The following KAT2A variants were observed in gnomAD, a reference collection of about 807,000 sequenced individuals.
KAT2A encodes the protein lysine acetyltransferase 2A, also known as histone acetyltransferase KAT2A.
A neutral mutation model predicts 95.2 loss-of-function variants in KAT2A; 42 were observed. The ratio of observed to expected loss-of-function variants is 0.44; its 90% CI spans 0.34 to 0.57. The LOEUF is 0.57. Ranked by LOEUF, KAT2A falls within the 20% of genes least tolerant of loss-of-function variation. KAT2A has a pLI of 0.01. For missense variants in KAT2A, 784 were observed against 1,126.3 expected, an observed-to-expected ratio of 0.70 and a Z score of 4.35; for synonymous variants, 449 against 448.2, an observed-to-expected ratio of 1.00 and a Z score of -0.02.
chr17:42,115,764 T>C lies in KAT2A; in HGVS notation c.1834A>G (p.Thr612Ala), dbSNP rs77978263. 6.2e-7 allele frequency: 1 copy of C among 1,613,576 alleles called. No individual in the cohort carries two copies. Among genetic ancestry groups the C allele is most frequent in the East Asian group, 2.2e-5 (1 of 44,856 alleles). Residue 612 changes from threonine (T) to alanine (A), a missense_variant, in exon 12 of 18, where the codon ACC (threonine) becomes GCC (alanine). Thr to Ala is a moderately conservative substitution (Grantham distance 58). This residue lies in a region of KAT2A where 174 missense variants were observed against 324.9 expected (regional missense o/e 0.54). Coordinates refer to ENST00000225916, the MANE Select transcript of KAT2A (RefSeq NM_021078.3). ...CCGATGGCGTACTCGTCGGCGTAGGTGAGGAAGTAGAGAATGTTGTGCTTG... is the reference window on the plus strand; with the variant it reads ...CCGATGGCGTACTCGTCGGCGTAGGCGAGGAAGTAGAGAATGTTGTGCTTG... Reference protein sequence around the residue: ...HIKHNILYFLTYADEYAIGYF... With the variant: ...HIKHNILYFLAYADEYAIGYF...
chr17:42,119,811 G>A lies in KAT2A; in HGVS notation c.700-93C>T, dbSNP rs937649887. The A allele has an allele frequency of 4.2e-6, 5 of 1,177,744 alleles. No individual in the cohort carries two copies. The highest frequency in any genetic ancestry group is 2.5e-5 in the East Asian group (1 of 40,252). 73.0% of individuals were successfully genotyped at this position (1,177,744 alleles called of 1,614,324 possible). On this transcript the variant is annotated intron_variant, in intron 4 of 17. Transcript: ENST00000225916. The surrounding 1 kb of genome is among the most constrained non-coding windows in gnomAD (Gnocchi z 5.3). ...CAAAGGAAGATGCTCCCTGGCCAGG[G>A]ACAAGGTTCTCCTTCTCCTCTCTCT...
At chr17:42,115,507 C>A (rs1427331069) in intron 12 of KAT2A, among the ~76,000 whole-genome samples, 4 of 151,300 alleles carry the variant, frequency 2.6e-5, no homozygotes, top group Non-Finnish European at 5.9e-5. Context: ...TCTACTGACC[C>A]CCAGTTCCTC....
intron 12 of KAT2A, among the ~76,000 whole-genome samples, chr17:42,115,492 G>A (rs1555665791): frequency 2.8e-5 from 3 of 107,144 alleles, no homozygotes; most frequent in Non-Finnish European, 5.4e-5. Context: ...GTTCCTCCAG[G>A]ATGCTCTACT....
At position 42,120,246 on chromosome 17, in the gene KAT2A, C is replaced by T. The variant is rs143037960; in HGVS notation, c.588G>A (p.Gln196=). The T allele has an allele frequency of 1.0e-3, 1,666 of 1,614,228 alleles. No individual in the cohort carries two copies. The highest frequency in any genetic ancestry group is 1.3e-3 in the Non-Finnish European group (1,557 of 1,180,036). The change falls in exon 3 of 18, where the codon CAG becomes CAA. Residue 196 remains glutamine, a synonymous_variant. Transcript: ENST00000225916. Reference sequence around the variant, plus strand: ...TCACCTTGAAGAGGTAGAAATAGACCTGCTTGGTGTCTGTGTCCTCTTCCT... The same window carrying T: ...TCACCTTGAAGAGGTAGAAATAGACTTGCTTGGTGTCTGTGTCCTCTTCCT... ...VHKEEDTDTK[Q]VYFYLFKLLR...
At position 42,121,333 on chromosome 17, in the gene KAT2A, G is replaced by C. The variant is rs1181212372; in HGVS notation, c.-29C>G. The C allele has an allele frequency of 2.9e-6, 4 of 1,364,984 alleles. No homozygotes were observed. In the African/African-American group the frequency reaches 4.6e-5, roughly 16 times the overall value. The allele number at this position is 1,364,984 out of a possible 1,614,324, so 84.6% of individuals were successfully genotyped here. The stretch of plus-strand genomic sequence containing the variant: ...CTCCCCCGCAGCGGAGAGCGGCGCC[G>C]CGCTCCCAGCCCTAGGGCCGCATGG... On this transcript the variant is annotated 5_prime_UTR_variant, in exon 1 of 18. Coordinates refer to ENST00000225916, the MANE Select transcript of KAT2A (RefSeq NM_021078.3).
In KAT2A at chr17:42,117,838, G is replaced by A. The variant is rs782617651; in HGVS notation, c.1292-24C>T. ...GCCTATTGGGGAGGCAGGCAAGGTT[G>A]CTCAGGATCAGTAAAAAAGGTTTGG... is the stretch of plus-strand genomic sequence containing the variant. On this transcript the variant is annotated intron_variant, in intron 8 of 17. Coordinates refer to ENST00000225916, the MANE Select transcript of KAT2A (RefSeq NM_021078.3). The surrounding 1 kb of genome is among the most constrained non-coding windows in gnomAD (Gnocchi z 8.9). The A allele has an allele frequency of 6.2e-7, 1 of 1,611,916 alleles. No homozygotes were observed. The highest frequency in any genetic ancestry group is 1.7e-5 in the Admixed American group (1 of 59,886).
chr17:42,115,073 G>GT, intron 12 of KAT2A, 38 bp from the exon 13 acceptor site: 1 of 1,604,996 alleles, frequency 6.2e-7, no homozygotes, highest in East Asian at 2.2e-5. Flanking sequence ...CCATCCATAA[G>GT]TATTTCCCAA....
intron 11 of KAT2A, among the ~76,000 whole-genome samples, chr17:42,116,714 C>A (rs1294157901): frequency 1.3e-5 from 2 of 151,972 alleles, no homozygotes; most frequent in South Asian, 2.1e-4. Flanking sequence ...GTGAGAGAGA[C>A]CCTCTTTCAA....
At chr17:42,120,458 ACTCTGTTC>A in intron 2 of KAT2A, 88 bp from the exon 3 acceptor site, 1 of 1,420,556 alleles carries the variant, frequency 7.0e-7, no homozygotes, top group African/African-American at 1.4e-5. Flanking sequence ...CAAGATACAC[ACTCTGTTC>A]CTCCAACCAG....
Position 42,113,577 on chromosome 17 carries a change from G to A in KAT2A, c.*72C>T. ...GCTGAGTCGGGTCCGTGGGGCCAGG[G>A]CACCCCCTAAGGATCAGATCAGAAT... On this transcript the variant is annotated 3_prime_UTR_variant, in exon 18 of 18. Coordinates refer to ENST00000225916, the MANE Select transcript of KAT2A (RefSeq NM_021078.3). 2 of 1,455,478 alleles carry A rather than the reference G, an allele frequency of 1.4e-6. No homozygotes were observed. Among genetic ancestry groups the A allele is most frequent in the East Asian group, 2.4e-5 (1 of 42,172 alleles). 90.2% of individuals were successfully genotyped at this position (1,455,478 alleles called of 1,614,324 possible). A position where few individuals can be genotyped will look rare whatever the true frequency, so the allele number is the denominator to read the frequency against.
In KAT2A at chr17:42,113,774, G is replaced by T; in HGVS notation, c.2389C>A (p.Leu797Met). ...YVTRKLFVAD[L>M]QRVIANCREY... ...CGACAGTTGGCGATGACCCGCTGCAGGTCGGCCACAAAGAGCTTCCGGGTC... is the reference window on the plus strand; with the variant it reads ...CGACAGTTGGCGATGACCCGCTGCATGTCGGCCACAAAGAGCTTCCGGGTC... Residue 797 changes from leucine to methionine, a missense_variant, in exon 18 of 18, where the codon CTG (leucine) becomes ATG (methionine). By Grantham distance (15) the Leu-to-Met change is conservative (BLOSUM62 2). This residue lies in a region of KAT2A where 195 missense variants were observed against 247.1 expected (regional missense o/e 0.79). Transcript: ENST00000225916. 6.2e-7 allele frequency: 1 copy of T among 1,610,414 alleles called. No individual in the cohort carries two copies.
Position 42,114,526 on chromosome 17 carries a change from C to T in KAT2A, c.2098G>A (p.Val700Met), listed in dbSNP as rs371503307. ...ACGCTCTCCACAGGGATCTGCCTCA[C>T]GCCCTCCTTGAAGCAGCTGAGCCCC... ...YPGLSCFKEG[V>M]RQIPVESVPG... Residue 700 changes from valine (V) to methionine (M), a missense_variant, in exon 14 of 18, where the codon GTG becomes ATG. Around this residue, in one of 6 missense-constraint regions of KAT2A, gnomAD observed 195 missense variants for 247.1 expected, o/e 0.79. Coordinates refer to ENST00000225916, the MANE Select transcript of KAT2A (RefSeq NM_021078.3). This position sits in a 1 kb window ranked among gnomAD's most constrained non-coding sequence, Gnocchi z 6.0. 8.1e-6 allele frequency: 13 copies of T among 1,614,022 alleles called. No individual in the cohort carries two copies. Among genetic ancestry groups the T allele is most frequent in the Admixed American group, 3.3e-5 (2 of 60,006 alleles).
Position 42,114,784 on chromosome 17 carries a change from C to T in KAT2A, c.2019+108G>A. ...CAAGATCCTGGCCTGCCCCTCCTCA[C>T]TCACACACATATATGCATGTAGACG... On this transcript the variant is annotated intron_variant, in intron 13 of 17. Transcript: ENST00000225916. This position sits in a 1 kb window ranked among gnomAD's most constrained non-coding sequence, Gnocchi z 6.0. 1.5e-6 allele frequency: 2 copies of T among 1,309,536 alleles called. No individual in the cohort carries two copies. The highest frequency in any genetic ancestry group is 2.3e-5 in the East Asian group (1 of 43,372). The allele number at this position is 1,309,536 out of a possible 1,614,324, so 81.1% of individuals were successfully genotyped here. A position where few individuals can be genotyped will look rare whatever the true frequency, so the allele number is the denominator to read the frequency against.
Position 42,113,656 on chromosome 17 carries a change from T to G in KAT2A, c.2507A>C (p.Asp836Ala), listed in dbSNP as rs2144024934. ...YFKLKEGGLIDK is the reference protein window; with the variant it reads ...YFKLKEGGLIAK ...TGCGGCCCAAAGATGGGCCTACTTG[T>G]CAATGAGGCCTCCCTCCTTGAGCTT... Residue 836 changes from aspartate (D) to alanine (A), a missense_variant, in exon 18 of 18, where the codon GAC becomes GCC. By Grantham distance (126) the Asp-to-Ala change is moderately radical (BLOSUM62 -2). Transcript: ENST00000225916. 4 of 1,607,930 alleles carry G rather than the reference T, an allele frequency of 2.5e-6. No homozygotes were observed. In the South Asian group the frequency reaches 3.3e-5, roughly 13 times the overall value.
Position 42,113,358 on chromosome 17 carries a change from C to G in KAT2A, c.*291G>C, listed in dbSNP as rs1555664994. ...TCCAAGCCTCCAAAGCTCTTGGGGA[C>G]CAGGCCTGGGGGCCACCACGGCTGG... On this transcript the variant is annotated 3_prime_UTR_variant, in exon 18 of 18. Transcript: ENST00000225916. 2 of 293,740 alleles carry G rather than the reference C, an allele frequency of 6.8e-6. No homozygotes were observed. Among genetic ancestry groups the G allele is most frequent in the Non-Finnish European group, 1.3e-5 (2 of 157,870 alleles). The allele number at this position is 293,740 out of a possible 1,614,324, so 18.2% of individuals were successfully genotyped here.
In KAT2A at chr17:42,120,847, A is replaced by T. The variant is rs2054326130; in HGVS notation, c.340-18T>A. On this transcript the variant is annotated intron_variant, in intron 1 of 17. Transcript: ENST00000225916. ...TCATTGGCCTGGAGGTGGAAGGATCAGTCAATGACCTATACCTCTGGGGCA... is the reference window on the plus strand; with the variant it reads ...TCATTGGCCTGGAGGTGGAAGGATCTGTCAATGACCTATACCTCTGGGGCA... The T allele has an allele frequency of 1.2e-6, 2 of 1,603,484 alleles. No individual in the cohort carries two copies. The highest frequency in any genetic ancestry group is 1.7e-6 in the Non-Finnish European group (2 of 1,174,716).
chr17:42,117,955 T>C lies in KAT2A; in HGVS notation c.1243A>G (p.Ser415Gly). Reference protein sequence around the residue: ...PIFSPSMGGGSNSSLSLDSAG... With the variant: ...PIFSPSMGGGGNSSLSLDSAG... Reference sequence around the variant, plus strand: ...GAATCCAGACTCAGGGAGCTGTTGCTGCCCCCACCCATGCTGGGGCTGAAG... The same window carrying C: ...GAATCCAGACTCAGGGAGCTGTTGCCGCCCCCACCCATGCTGGGGCTGAAG... The change falls in exon 8 of 18, where the codon AGC becomes GGC. Residue 415 changes from serine to glycine, a missense_variant. Transcript: ENST00000225916. The surrounding 1 kb of genome is among the most constrained non-coding windows in gnomAD (Gnocchi z 8.9). 2 of 1,608,580 alleles carry C rather than the reference T, an allele frequency of 1.2e-6. No homozygotes were observed. Among genetic ancestry groups the C allele is most frequent in the African/African-American group, 2.7e-5 (2 of 74,902 alleles).
Position 42,114,627 on chromosome 17 carries a change from G to A in KAT2A, c.2020-23C>T. The stretch of plus-strand genomic sequence containing the variant: ...GATCTGAGGGAAGGAAGGGACTGAG[G>A]GGCCAACTCCAGCCCCAACAACAAC... On this transcript the variant is annotated intron_variant, in intron 13 of 17. Transcript: ENST00000225916. The surrounding 1 kb of genome is among the most constrained non-coding windows in gnomAD (Gnocchi z 6.0). The A allele has an allele frequency of 1.3e-6, 2 of 1,597,410 alleles. No individual in the cohort carries two copies. The highest frequency in any genetic ancestry group is 1.7e-6 in the Non-Finnish European group (2 of 1,167,706).
Position 42,120,926 on chromosome 17 carries a change from GCCCCAAGCCCCGCCCCTTCA to G in KAT2A, c.339+20_339+39del, listed in dbSNP as rs782204591. ...CCCATTCCCACCAGAGCCCTGGGAT[GCCCCAAGCCCCGCCCCTTCA>G]CCCCAGGCCCCGCCCCCACCTTGCA... On this transcript the variant is annotated intron_variant, in intron 1 of 17. Transcript: ENST00000225916. 1.9e-6 allele frequency: 3 copies of G among 1,551,072 alleles called. No individual in the cohort carries two copies. In the African/African-American group the frequency reaches 4.1e-5, roughly 21 times the overall value.
Sources: allele counts gnomAD v4.1 joint callset (sites outside exome capture counted in the v4.1 genomes callset), GRCh38; gene constraint gnomAD v4.1.1; regional missense constraint gnomAD v4.1.1; non-coding constraint Gnocchi (gnomAD v3.1); transcripts MANE v1.5; gene names NCBI Gene and HGNC (gene_info 2026-07-23, HGNC 2026-07-21).